Variants in MITF observed in about 807,000 individuals in gnomAD.
MITF encodes melanocyte inducing transcription factor.
In MITF, 17 loss-of-function variants were observed where a neutral mutation model predicts 60.5. The ratio of observed to expected loss-of-function variants is 0.28; its 90% CI spans 0.19 to 0.42. The LOEUF (loss-of-function observed/expected upper bound fraction) is 0.42, where lower values mean the gene tolerates loss of function less well. Ranked by LOEUF, MITF falls within the 10% of genes least tolerant of loss-of-function variation. The pLI, the probability that MITF is intolerant of heterozygous loss-of-function variation, is 1.00. For missense variants in MITF, 622 were observed against 683.5 expected, an observed-to-expected ratio of 0.91 and a Z score of 1.00; for synonymous variants, 260 against 248.5, an observed-to-expected ratio of 1.05 and a Z score of -0.43.
chr3:69,813,475 T>G (rs2063132728), intron 1 of MITF, among the ~76,000 whole-genome samples: 1 of 152,222 alleles, frequency 6.6e-6, no homozygotes, highest in Non-Finnish European at 1.5e-5. Flanking sequence ...TAGAGTTTAC[T>G]GCTGGAAAGA....
At chr3:69,929,654 T>A (rs2065672891) in intron 2 of MITF, among the ~76,000 whole-genome samples, 1 of 152,148 alleles carries the variant, frequency 6.6e-6, no homozygotes, top group Non-Finnish European at 1.5e-5. Context: ...TTTTTCTTTT[T>A]GTTTGTTTTG....
rs2065836711 is a variant in MITF at position 69,936,451 on chromosome 3, CA to C, written c.355-1370del. 2.3e-5 allele frequency: 12 copies of C among 524,226 alleles called. No homozygotes were observed. The East Asian group carries it at 4.2e-4, about 18-fold the overall frequency. 32.5% of individuals were successfully genotyped at this position (524,226 alleles called of 1,614,324 possible). A position where few individuals can be genotyped will look rare whatever the true frequency, so the allele number is the denominator to read the frequency against. On this transcript the variant is annotated intron_variant, in intron 2 of 9. Coordinates refer to ENST00000352241, the MANE Select transcript of MITF (RefSeq NM_001354604.2). ...TATGAAAAAAAGCATGACGTCAAGC[CA>C]GGGGGAAAAATTGATATCAACATTT... is the stretch of plus-strand genomic sequence containing the variant.
chr3:69,802,110 A>C (rs2062930952), intron 1 of MITF, among the ~76,000 whole-genome samples: 1 of 152,206 alleles, frequency 6.6e-6, no homozygotes, highest in Admixed American at 6.5e-5. Flanking sequence ...ATTTGCCTAG[A>C]GCAGTGGCTC....
intron 6 of MITF, among the ~76,000 whole-genome samples, chr3:69,950,400 A>G (rs1270827719): frequency 6.6e-6 from 1 of 150,992 alleles, no homozygotes; most frequent in Admixed American, 6.6e-5. Flanking sequence ...AAAAAACTAG[A>G]AAATGATTTG....
chr3:69,746,776 T>A (rs949630866), intron 1 of MITF, among the ~76,000 whole-genome samples: 47 of 152,328 alleles, frequency 3.1e-4, no homozygotes, highest in Admixed American at 7.2e-4. Context: ...TACCAAGGGA[T>A]AAGTCTGCAT....
rs763327055 is a variant in MITF at position 69,937,817 on chromosome 3, T to C, written c.355-5T>C. ...GTTTTCTTTTCCCTCCATGGCTATG[T>C]TCAGGTGCAGACCCACCTCGAAAAC... On this transcript the variant is annotated splice_region_variant and splice_polypyrimidine_tract_variant and intron_variant, in intron 2 of 9. Transcript: ENST00000352241. 7 of 1,613,478 alleles carry C rather than the reference T, an allele frequency of 4.3e-6. No homozygotes were observed. In the South Asian group the frequency reaches 6.6e-5, roughly 15 times the overall value.
chr3:69,878,594 C>T (rs2064408533), intron 1 of MITF, among the ~76,000 whole-genome samples: 1 of 152,152 alleles, frequency 6.6e-6, no homozygotes, highest in Non-Finnish European at 1.5e-5. Context: ...ATGCTTCCTT[C>T]ATTAATTATT....
chr3:69,900,316 A>T (rs1326695885), intron 2 of MITF, among the ~76,000 whole-genome samples: 1 of 152,152 alleles, frequency 6.6e-6, no homozygotes, highest in Non-Finnish European at 1.5e-5. Context: ...TGGAATTAAA[A>T]AATCGTGATA....
chr3:69,787,385 C>G (rs2062667890), intron 1 of MITF, among the ~76,000 whole-genome samples: 1 of 152,180 alleles, frequency 6.6e-6, no homozygotes, highest in East Asian at 1.9e-4. Flanking sequence ...CTTGTATTCT[C>G]ATGTTAGCAG....
At chr3:69,936,385 T>G (rs759931041) in intron 2 of MITF, among the ~76,000 whole-genome samples, 2 of 152,192 alleles carry the variant, frequency 1.3e-5, no homozygotes, top group African/African-American at 2.4e-5. Context: ...ACAGTGAGTT[T>G]GACTTTGATA....
At chr3:69,885,323 T>C (rs2064587105) in intron 2 of MITF, among the ~76,000 whole-genome samples, 1 of 152,100 alleles carries the variant, frequency 6.6e-6, no homozygotes, top group African/African-American at 2.4e-5. Flanking sequence ...GAGGAGGCTA[T>C]ACTAATAGGT....
At position 69,742,395 on chromosome 3, in the gene MITF, A is replaced by G. The variant is rs528852559; in HGVS notation, c.104+2694A>G. On this transcript the variant is annotated intron_variant, in intron 1 of 9. Transcript: ENST00000352241. Reference sequence around the variant, plus strand: ...TGCTGAGGTCAAGCAACTCTGTGTTAAACCTCAAGTCAGATCCTGTCATTC... The same window carrying G: ...TGCTGAGGTCAAGCAACTCTGTGTTGAACCTCAAGTCAGATCCTGTCATTC... Among the ~76,000 whole-genome samples the G allele has an allele frequency of 3.3e-5, 5 of 152,294 alleles. No individual in the cohort carries two copies. The South Asian group carries it at 1.0e-3, about 32-fold the overall frequency.
At chr3:69,839,813 G>A (rs2107134638) in intron 1 of MITF, among the ~76,000 whole-genome samples, 1 of 151,640 alleles carries the variant, frequency 6.6e-6, no homozygotes, top group African/African-American at 2.4e-5. Flanking sequence ...TTCACATTAG[G>A]ACCTTTAAAA....
At chr3:69,938,696 A>C (rs1268044598) in intron 3 of MITF, 2 of 1,304,254 alleles carry the variant, frequency 1.5e-6, no homozygotes, top group Admixed American at 3.7e-5. Flanking sequence ...CAAAATTTGC[A>C]GCATACAAAT....
intron 2 of MITF, among the ~76,000 whole-genome samples, chr3:69,905,155 C>T (rs11128144): frequency 0.015 from 2,345 of 152,192 alleles, 27 homozygotes; most frequent in Middle Eastern, 0.051. Context: ...CCCCAGGCAA[C>T]CACTGATTTG....
chr3:69,759,150 C>A (rs943477264), intron 1 of MITF, among the ~76,000 whole-genome samples: 24 of 152,158 alleles, frequency 1.6e-4, no homozygotes, highest in African/African-American at 5.6e-4. Context: ...CCTCTGGTCG[C>A]AACATTTAAT....
chr3:69,891,604 G>A (rs915667993), intron 2 of MITF, among the ~76,000 whole-genome samples: 2 of 152,218 alleles, frequency 1.3e-5, no homozygotes, highest in Admixed American at 6.5e-5. Flanking sequence ...AATCACTGCT[G>A]TAGAAACCTG....
chr3:69,781,425 AT>A (rs2062562290), intron 1 of MITF, among the ~76,000 whole-genome samples: 1 of 152,082 alleles, frequency 6.6e-6, no homozygotes, highest in African/African-American at 2.4e-5. Context: ...TGGCTGCAAA[AT>A]TTGCAGGTCC....
intron 1 of MITF, among the ~76,000 whole-genome samples, chr3:69,853,495 C>A (rs986797864): frequency 6.6e-6 from 1 of 151,942 alleles, no homozygotes; most frequent in Non-Finnish European, 1.5e-5. Context: ...GAAAGCAATA[C>A]CTGTCCGTTT....
Sources: allele counts gnomAD v4.1 joint callset (sites outside exome capture counted in the v4.1 genomes callset), GRCh38; gene constraint gnomAD v4.1.1; transcripts MANE v1.5; gene names NCBI Gene and HGNC (gene_info 2026-07-23, HGNC 2026-07-21).